The following WNK1 variants were observed in gnomAD, a reference collection of about 807,000 sequenced individuals.
WNK1 encodes the protein WNK lysine deficient protein kinase 1.
A neutral mutation model predicts 222.8 loss-of-function variants in WNK1; 38 were observed. The ratio of observed to expected loss-of-function variants is 0.17; its 90% CI spans 0.13 to 0.22. The LOEUF (loss-of-function observed/expected upper bound fraction) is 0.22, where lower values mean the gene tolerates loss of function less well. WNK1 is among the 10% of genes least tolerant of loss of function. WNK1 has a pLI of 1.00. For synonymous variants in WNK1, 1,090 were observed against 1,092.9 expected, an observed-to-expected ratio of 1.00 and a Z score of 0.05; for missense variants, 2,348 against 2,918.4, an observed-to-expected ratio of 0.80 and a Z score of 4.50.
At chr12:851,557 C>T (rs1950420309) in intron 4 of WNK1, 3 of 1,178,436 alleles carry the variant, frequency 2.5e-6, no homozygotes, top group Admixed American at 3.6e-5. Flanking sequence ...GTTGGGGAAG[C>T]ATGGCTAGTG....
In WNK1 at chr12:861,824, A is replaced by G. The variant is rs17223392; in HGVS notation, c.1952-259A>G. The stretch of plus-strand genomic sequence containing the variant: ...AATTAAGACTTTGAAAGCTGTGTCA[A>G]ATTTAAGGCTTATAGTGTTTCATGC... On this transcript the variant is annotated intron_variant, in intron 7 of 27. Coordinates refer to ENST00000315939, the MANE Select transcript of WNK1 (RefSeq NM_018979.4). 0.019 allele frequency among the ~76,000 whole-genome samples: 2,873 copies of G among 152,290 alleles called. 82 individuals are homozygous for G. Among genetic ancestry groups the G allele is most frequent in the Non-Finnish European group, 0.021 (1,401 of 68,012 alleles).
chr12:908,858 T>TGGGGGGGGGGGG lies in WNK1; in HGVS notation c.*69_*70insGGGGGGGGGGGG. The TGGGGGGGGGGGG allele has an allele frequency of 3.4e-6, 1 of 290,202 alleles. No homozygotes were observed. Among genetic ancestry groups the TGGGGGGGGGGGG allele is most frequent in the Admixed American group, 4.2e-5 (1 of 23,778 alleles). The allele number at this position is 290,202 out of a possible 1,614,324, so 18.0% of individuals were successfully genotyped here. ...GGAATGCTGAGGGGGTGGGTGGGGG[T>TGGGGGGGGGGGG]GGGAAGTAGCCTATATACTAACTAC... On this transcript the variant is annotated 3_prime_UTR_variant, in exon 28 of 28. Coordinates refer to ENST00000315939, the MANE Select transcript of WNK1 (RefSeq NM_018979.4).
At chr12:857,121 G>A in intron 4 of WNK1, 40 bp from the exon 5 acceptor site, 1 of 1,588,220 alleles carries the variant, frequency 6.3e-7, no homozygotes, top group Non-Finnish European at 8.6e-7. Context: ...AAGTTCAAAG[G>A]CCCTGCTTTT....
rs180681076 is a variant in WNK1 at position 862,174 on chromosome 12, T to G, written c.2043T>G (p.His681Gln). Residue 681 changes from histidine to glutamine, a missense_variant, in exon 8 of 28, where the codon CAT becomes CAG. Coordinates refer to ENST00000315939, the MANE Select transcript of WNK1 (RefSeq NM_018979.4). ...SQQTVSYGSQ[H>Q]EQAHSTGTVP... ...AGACAGTTTCATATGGTTCCCAACA[T>G]GAACAGGCACATTCTACAGGCACAG... is the stretch of plus-strand genomic sequence containing the variant. The G allele has an allele frequency of 1.2e-5, 19 of 1,614,140 alleles. No homozygotes were observed. In the East Asian group the frequency reaches 2.7e-4, roughly 23 times the overall value.
At chr12:878,501 TA>T in intron 10 of WNK1, 140 bp downstream of exon 10, 1 of 921,306 alleles carries the variant, frequency 1.1e-6, no homozygotes, top group African/African-American at 1.7e-5. Flanking sequence ...TGAAGTAGGT[TA>T]ATCTCATTGC....
intron 2 of WNK1, 74 bp downstream of exon 2, chr12:813,888 A>T (rs1947109743): frequency 9.2e-6 from 14 of 1,518,508 alleles, no homozygotes; most frequent in South Asian, 8.3e-5. Flanking sequence ...CAGGTCTACC[A>T]GTTTCACTTT....
intron 6 of WNK1, among the ~76,000 whole-genome samples, chr12:860,044 T>G (rs1374358791): frequency 6.6e-6 from 1 of 152,080 alleles, no homozygotes; most frequent in Non-Finnish European, 1.5e-5. Flanking sequence ...AATATGTAGA[T>G]ATATATATAC....
At position 868,001 on chromosome 12, in the gene WNK1, C is replaced by T. The variant is rs1951823640; in HGVS notation, c.2140-3264C>T. Reference sequence around the variant, plus strand: ...CCCACCGAAAGTAGCCATTTCCCAGCGGCGTAAGAGCACCTCCTTCCTGGA... The same window carrying T: ...CCCACCGAAAGTAGCCATTTCCCAGTGGCGTAAGAGCACCTCCTTCCTGGA... On this transcript the variant is annotated intron_variant, in intron 8 of 27. Coordinates refer to ENST00000315939, the MANE Select transcript of WNK1 (RefSeq NM_018979.4). 5.0e-6 allele frequency: 8 copies of T among 1,613,962 alleles called. No homozygotes were observed. The highest frequency in any genetic ancestry group is 5.9e-6 in the Non-Finnish European group (7 of 1,179,898).
chr12:824,866 T>C (rs1433343639), intron 2 of WNK1, among the ~76,000 whole-genome samples: 1 of 136,862 alleles, frequency 7.3e-6, no homozygotes, highest in African/African-American at 3.1e-5. Context: ...TGTTACTAAC[T>C]TTTTGCATCA....
At chr12:894,843 G>C (rs1213040260) in intron 23 of WNK1, among the ~76,000 whole-genome samples, 1 of 152,180 alleles carries the variant, frequency 6.6e-6, no homozygotes, top group East Asian at 1.9e-4. Context: ...AGACACGGTA[G>C]ATAGTCGTAC....
chr12:862,412 T>G, intron 8 of WNK1, 142 bp downstream of exon 8: 1 of 921,324 alleles, frequency 1.1e-6, no homozygotes, highest in Non-Finnish European at 1.7e-6. Context: ...AGCCTTATTA[T>G]AGAGTAGGAT....
Position 758,047 on chromosome 12 carries a change from AAAAAAAAG to A in WNK1, c.759+3727_759+3734del, listed in dbSNP as rs1408381027. On this transcript the variant is annotated intron_variant, in intron 1 of 27. Coordinates refer to ENST00000315939, the MANE Select transcript of WNK1 (RefSeq NM_018979.4). ...GAGACTCTGTCTCTAAAAAAAAAAA[AAAAAAAAG>A]AAAGAAAGAAAAAGAAAACATTGAT... Among the ~76,000 whole-genome samples the A allele has an allele frequency of 5.0e-4, 72 of 144,942 alleles. 2 individuals are homozygous for A. Among genetic ancestry groups the A allele is most frequent in the East Asian group, 1.6e-3 (8 of 5,082 alleles).
chr12:904,594 C>T, intron 26 of WNK1: 2 of 736,688 alleles, frequency 2.7e-6, no homozygotes, highest in Non-Finnish European at 4.1e-6. Flanking sequence ...TTCCTAACTT[C>T]CATCTATCTC....
chr12:765,477 G>A (rs1384190169), intron 1 of WNK1, among the ~76,000 whole-genome samples: 1 of 147,582 alleles, frequency 6.8e-6, no homozygotes, highest in African/African-American at 2.4e-5. Context: ...AGCTGGGGAG[G>A]TCAGGGCTGC....
intron 8 of WNK1, among the ~76,000 whole-genome samples, chr12:870,715 A>T (rs991781949): frequency 6.6e-6 from 1 of 152,160 alleles, no homozygotes; most frequent in African/African-American, 2.4e-5. Flanking sequence ...ACAACCAGAA[A>T]TGTCTCCACA....
intron 3 of WNK1, among the ~76,000 whole-genome samples, chr12:829,001 C>G (rs1317526229): frequency 6.6e-6 from 1 of 152,184 alleles, no homozygotes; most frequent in Non-Finnish European, 1.5e-5. Context: ...ATAATACATT[C>G]ACAAGAAGAA....
intron 1 of WNK1, among the ~76,000 whole-genome samples, chr12:767,046 G>A (rs1001836898): frequency 3.3e-5 from 5 of 152,084 alleles, no homozygotes; most frequent in African/African-American, 1.2e-4. Context: ...CAAAGTGTTG[G>A]GATTACAGGC....
chr12:795,683 A>G (rs1002258898), intron 1 of WNK1, among the ~76,000 whole-genome samples: 29 of 152,108 alleles, frequency 1.9e-4, no homozygotes, highest in Admixed American at 1.7e-3. Context: ...TACAGTTTCT[A>G]TAGTTCGTGT....
intron 1 of WNK1, among the ~76,000 whole-genome samples, chr12:788,478 A>G (rs1319742682): frequency 6.6e-6 from 1 of 152,240 alleles, no homozygotes; most frequent in Non-Finnish European, 1.5e-5. Context: ...TGTTGACTTA[A>G]GTGAGAAAGG....
Sources: allele counts gnomAD v4.1 joint callset (sites outside exome capture counted in the v4.1 genomes callset), GRCh38; gene constraint gnomAD v4.1.1; transcripts MANE v1.5; gene names NCBI Gene and HGNC (gene_info 2026-07-23, HGNC 2026-07-21).